ZNF525: variants seen among roughly 807,000 people sequenced by gnomAD.
The protein encoded by ZNF525 is zinc finger protein 525.
Under a neutral mutation model 37.6 loss-of-function variants are expected in ZNF525, and 33 were observed. The ratio of observed to expected loss-of-function variants is 0.88; its 90% CI spans 0.67 to 1.17. The LOEUF (loss-of-function observed/expected upper bound fraction) is 1.17, where lower values mean the gene tolerates loss of function less well. ZNF525 is among the 50% of genes most tolerant of loss of function. The pLI is 0.00. For missense variants in ZNF525, 449 were observed against 543.1 expected, an observed-to-expected ratio of 0.83 and a Z score of 1.72; for synonymous variants, 170 against 182.3, an observed-to-expected ratio of 0.93 and a Z score of 0.54.
chr19:53,368,047 G>T (rs2085460468), intron 1 of ZNF525, among the ~76,000 whole-genome samples: 1 of 151,526 alleles, frequency 6.6e-6, no homozygotes, highest in South Asian at 2.1e-4. Context: ...TATCTCTTTT[G>T]TTTTTTTTCT....
intron 3 of ZNF525, among the ~76,000 whole-genome samples, chr19:53,379,172 G>A (rs963295722): frequency 1.8e-4 from 28 of 152,020 alleles, no homozygotes; most frequent in African/African-American, 6.5e-4. Flanking sequence ...CTGGAGTGCA[G>A]TGGTGGGACC....
chr19:53,381,640 C>T lies in ZNF525; in HGVS notation c.1061C>T (p.Pro354Leu). Residue 354 changes from proline (P) to leucine (L), a missense_variant, in exon 4 of 4, where the codon CCT becomes CTT. This residue lies in a region of ZNF525 where 178 missense variants were observed against 161.5 expected (regional missense o/e 1.10). Coordinates refer to ENST00000474037, the MANE Select transcript of ZNF525 (RefSeq NM_001348156.2). ...CGTAGCATTCATACTGGAAAGAAAC[C>T]TTACGAATGTGAAGAATGTGACAAA... ...CHRSIHTGKKPYECEECDKAF... is the reference protein window; with the variant it reads ...CHRSIHTGKKLYECEECDKAF... The T allele has an allele frequency of 8.8e-7, 1 of 1,131,336 alleles. No individual in the cohort carries two copies. Among genetic ancestry groups the T allele is most frequent in the Admixed American group, 1.7e-5 (1 of 59,394 alleles). The allele number at this position is 1,131,336 out of a possible 1,614,324, so 70.1% of individuals were successfully genotyped here.
chr19:53,379,407 C>T (rs941131968), intron 3 of ZNF525: 4 of 152,212 alleles, frequency 2.6e-5, no homozygotes, highest in African/African-American at 4.8e-5. Flanking sequence ...TGAGCCACTG[C>T]ACCCGGCTGT....
At chr19:53,373,901 C>T (rs2085504467) in intron 2 of ZNF525, among the ~76,000 whole-genome samples, 2 of 151,990 alleles carry the variant, frequency 1.3e-5, no homozygotes, top group African/African-American at 4.8e-5. Flanking sequence ...CATAGGTAAA[C>T]TAGGGTCATC....
At chr19:53,372,172 T>C in intron 1 of ZNF525, 43 bp from the exon 2 acceptor site, 1 of 627,880 alleles carries the variant, frequency 1.6e-6, no homozygotes, top group Non-Finnish European at 2.9e-6. Flanking sequence ...AGGGAGGGTG[T>C]GTGTTGATTC....
At position 53,381,307 on chromosome 19, in the gene ZNF525, A is replaced by G. The variant is rs1269163014; in HGVS notation, c.728A>G (p.Tyr243Cys). The G allele has an allele frequency of 1.3e-6, 2 of 1,485,164 alleles. No individual in the cohort carries two copies. Among genetic ancestry groups the G allele is most frequent in the Admixed American group, 1.7e-5 (1 of 59,860 alleles). The allele number at this position is 1,485,164 out of a possible 1,614,324, so 92.0% of individuals were successfully genotyped here. ...ATTATTCATCTAGGAGAGAAACAAT[A>G]TAAATGTGATGTATGTGACAAGGTC... ...HQIIHLGEKQ[Y>C]KCDVCDKVFI... The change falls in exon 4 of 4, where the codon TAT (tyrosine) becomes TGT (cysteine). Residue 243 changes from tyrosine (Y) to cysteine (C), a missense_variant. Tyr to Cys is a radical substitution (Grantham distance 194). Transcript: ENST00000474037.
At chr19:53,374,764 C>G (rs1172715689) in intron 2 of ZNF525, among the ~76,000 whole-genome samples, 3 of 152,148 alleles carry the variant, frequency 2.0e-5, no homozygotes, top group Non-Finnish European at 4.4e-5. Context: ...GGGAAAATGA[C>G]AACCCTTTGT....
At chr19:53,379,074 AGTT>A (rs2085541522) in intron 3 of ZNF525, among the ~76,000 whole-genome samples, 1 of 152,028 alleles carries the variant, frequency 6.6e-6, no homozygotes, top group Non-Finnish European at 1.5e-5. Flanking sequence ...TCATAAATGT[AGTT>A]GTGACATCAT....
chr19:53,370,490 C>CT (rs1197780595), intron 1 of ZNF525, among the ~76,000 whole-genome samples: 1 of 151,744 alleles, frequency 6.6e-6, no homozygotes, highest in Non-Finnish European at 1.5e-5. Flanking sequence ...GTGAAAATTT[C>CT]CCTGCTCTGA....
At position 53,384,834 on chromosome 19, in the gene ZNF525, G is replaced by C. The variant is rs1304352781; in HGVS notation, c.*2815G>C. ...ACAGGCAGTATTGATTGAATAGAAG[G>C]GGTGAGAGCATTCTTGCATCATGTG... On this transcript the variant is annotated 3_prime_UTR_variant, in exon 4 of 4. Transcript: ENST00000474037. The C allele has an allele frequency of 1.6e-6, 1 of 625,078 alleles. No individual in the cohort carries two copies. Among genetic ancestry groups the C allele is most frequent in the Non-Finnish European group, 2.9e-6 (1 of 350,252 alleles). 38.7% of individuals were successfully genotyped at this position (625,078 alleles called of 1,614,324 possible).
Position 53,368,924 on chromosome 19 carries a change from C to A in ZNF525, c.-68+3165C>A, listed in dbSNP as rs1318785155. On this transcript the variant is annotated intron_variant, in intron 1 of 3. Coordinates refer to ENST00000474037, the MANE Select transcript of ZNF525 (RefSeq NM_001348156.2). ...TCCTTTGTTGTGTGCTGGGGTGCCA[C>A]GATATGCAATACTGAGAATCTTTTT... Among the ~76,000 whole-genome samples, 5 of 152,140 alleles carry A rather than the reference C, an allele frequency of 3.3e-5. No homozygotes were observed. The South Asian group carries it at 8.3e-4, about 25-fold the overall frequency.
At position 53,380,789 on chromosome 19, in the gene ZNF525, C is replaced by T. The variant is rs764174398; in HGVS notation, c.210C>T (p.His70=). The T allele has an allele frequency of 2.1e-5, 29 of 1,409,802 alleles. No individual in the cohort carries two copies. Among genetic ancestry groups the T allele is most frequent in the Non-Finnish European group, 2.7e-5 (27 of 994,196 alleles). 87.3% of individuals were successfully genotyped at this position (1,409,802 alleles called of 1,614,324 possible). The change falls in exon 4 of 4, where the codon CAC becomes CAT. Residue 70 remains histidine, a synonymous_variant. Coordinates refer to ENST00000474037, the MANE Select transcript of ZNF525 (RefSeq NM_001348156.2). ...STAQGNTEVI[H]TGTLQRHERH... Reference sequence around the variant, plus strand: ...CACAAGGCAATACAGAAGTGATCCACACAGGGACATTGCAAAGACATGAAC... The same window carrying T: ...CACAAGGCAATACAGAAGTGATCCATACAGGGACATTGCAAAGACATGAAC...
rs896358285 is a variant in ZNF525 at position 53,384,175 on chromosome 19, A to T, written c.*2156A>T. 2 of 384,942 alleles carry T rather than the reference A, an allele frequency of 5.2e-6. No individual in the cohort carries two copies. Among genetic ancestry groups the T allele is most frequent in the African/African-American group, 4.3e-5 (2 of 47,024 alleles). The allele number at this position is 384,942 out of a possible 1,614,324, so 23.8% of individuals were successfully genotyped here. ...ACATTGAGTTCAAGCCTTAATTGACATTAAAGTGTTTATGTTAAGAGGACT... is the reference window on the plus strand; with the variant it reads ...ACATTGAGTTCAAGCCTTAATTGACTTTAAAGTGTTTATGTTAAGAGGACT... On this transcript the variant is annotated 3_prime_UTR_variant, in exon 4 of 4. Coordinates refer to ENST00000474037, the MANE Select transcript of ZNF525 (RefSeq NM_001348156.2).
In ZNF525 at chr19:53,375,755, G is replaced by A. The variant is rs745722274; in HGVS notation, c.16-15G>A. 2 of 1,613,542 alleles carry A rather than the reference G, an allele frequency of 1.2e-6. No individual in the cohort carries two copies. Among genetic ancestry groups the A allele is most frequent in the East Asian group, 2.2e-5 (1 of 44,876 alleles). Reference sequence around the variant, plus strand: ...CCTCCCATAACCATTTGGTTAAAATGTGTTTTCATTTCAGGGTCTATTGAC... The same window carrying A: ...CCTCCCATAACCATTTGGTTAAAATATGTTTTCATTTCAGGGTCTATTGAC... On this transcript the variant is annotated splice_polypyrimidine_tract_variant and intron_variant, in intron 2 of 3. Coordinates refer to ENST00000474037, the MANE Select transcript of ZNF525 (RefSeq NM_001348156.2).
At position 53,386,082 on chromosome 19, in the gene ZNF525, G is replaced by C; in HGVS notation, c.*4063G>C. The C allele has an allele frequency of 2.9e-6, 1 of 347,162 alleles. No homozygotes were observed. The highest frequency in any genetic ancestry group is 5.6e-6 in the Non-Finnish European group (1 of 179,156). The allele number at this position is 347,162 out of a possible 1,614,324, so 21.5% of individuals were successfully genotyped here. A position where few individuals can be genotyped will look rare whatever the true frequency, so the allele number is the denominator to read the frequency against. ...GAGGCAGGGGAATCTCTTGAACCCA[G>C]GAGGTGGAGGATGCAGTGAACTGAG... On this transcript the variant is annotated 3_prime_UTR_variant, in exon 4 of 4. Coordinates refer to ENST00000474037, the MANE Select transcript of ZNF525 (RefSeq NM_001348156.2).
In ZNF525 at chr19:53,380,966, G is replaced by C. The variant is rs745416755; in HGVS notation, c.387G>C (p.Arg129Ser). The C allele has an allele frequency of 6.3e-6, 10 of 1,587,982 alleles. No individual in the cohort carries two copies. The Admixed American group carries it at 1.2e-4, about 19-fold the overall frequency. ...GTAGTACAGAGCAATATGATCACAG[G>C]CATGCTGGAAACAAGCCTATTAAAT... ...LMGSTEQYDHRHAGNKPIKYQ... is the reference protein window; with the variant it reads ...LMGSTEQYDHSHAGNKPIKYQ... The change falls in exon 4 of 4, where the codon AGG (arginine) becomes AGC (serine). Residue 129 changes from arginine (R) to serine (S), a missense_variant. Transcript: ENST00000474037.
Position 53,384,653 on chromosome 19 carries a change from C to T in ZNF525, c.*2634C>T, listed in dbSNP as rs2085592543. 4.0e-6 allele frequency: 1 copy of T among 247,096 alleles called. No individual in the cohort carries two copies. The highest frequency in any genetic ancestry group is 1.0e-4 in the South Asian group (1 of 9,818). The allele number at this position is 247,096 out of a possible 1,614,324, so 15.3% of individuals were successfully genotyped here. A position where few individuals can be genotyped will look rare whatever the true frequency, so the allele number is the denominator to read the frequency against. On this transcript the variant is annotated 3_prime_UTR_variant, in exon 4 of 4. Coordinates refer to ENST00000474037, the MANE Select transcript of ZNF525 (RefSeq NM_001348156.2). ...GGTGCTGATACTGTATTGTGCAAAT[C>T]CACTGAATATGTTTGTTAGTTCCAG...
In ZNF525 at chr19:53,381,451, G is replaced by T. The variant is rs1264336315; in HGVS notation, c.872G>T (p.Arg291Leu). 1 of 1,481,684 alleles carries T rather than the reference G, an allele frequency of 6.7e-7. No individual in the cohort carries two copies. The highest frequency in any genetic ancestry group is 9.4e-7 in the Non-Finnish European group (1 of 1,059,678). 91.8% of individuals were successfully genotyped at this position (1,481,684 alleles called of 1,614,324 possible). ...SQMSSLTYHH[R>L]LHTGEKPYKC... ...ATGTCATCCCTTACATATCATCATC[G>T]ACTTCATACTGGAGAGAAACCTTAC... Residue 291 changes from arginine (R) to leucine (L), a missense_variant, in exon 4 of 4, where the codon CGA becomes CTA. Coordinates refer to ENST00000474037, the MANE Select transcript of ZNF525 (RefSeq NM_001348156.2).
Position 53,383,561 on chromosome 19 carries a change from C to A in ZNF525, c.*1542C>A, listed in dbSNP as rs542174729. ...TCCCAGAGTTCACACTGGAGAGAAA[C>A]CTTACAAGTGTAATGAGTGTGTCAA... On this transcript the variant is annotated 3_prime_UTR_variant, in exon 4 of 4. Coordinates refer to ENST00000474037, the MANE Select transcript of ZNF525 (RefSeq NM_001348156.2). 11 of 1,450,796 alleles carry A rather than the reference C, an allele frequency of 7.6e-6. No individual in the cohort carries two copies. The East Asian group carries it at 2.0e-4, about 26-fold the overall frequency. 89.9% of individuals were successfully genotyped at this position (1,450,796 alleles called of 1,614,324 possible).
Sources: allele counts gnomAD v4.1 joint callset (sites outside exome capture counted in the v4.1 genomes callset), GRCh38; gene constraint gnomAD v4.1.1; regional missense constraint gnomAD v4.1.1; transcripts MANE v1.5; gene names NCBI Gene and HGNC (gene_info 2026-07-23, HGNC 2026-07-21).